The following BAHCC1 variants were observed in gnomAD, a reference collection of about 807,000 sequenced individuals.
BAHCC1 encodes the protein BAH domain and coiled-coil containing 1, also known as BAH and coiled-coil domain-containing protein 1.
In BAHCC1, 43 loss-of-function variants were observed where a neutral mutation model predicts 88.2. The ratio of observed to expected loss-of-function variants is 0.49; its 90% CI spans 0.38 to 0.63. The LOEUF is 0.63. Among genes scored for constraint, BAHCC1 ranks in the 20% least tolerant of loss-of-function variants. BAHCC1 has a pLI of 0.00. For missense variants in BAHCC1, 3,023 were observed against 1,654.8 expected (o/e 1.83, Z -14.34); for synonymous variants, 1,510 against 745.5 (o/e 2.03, Z -16.71).
rs782730197 is a variant in BAHCC1 at position 81,459,503 on chromosome 17, A to C, written c.5804A>C (p.Asp1935Ala). 5 of 779,044 alleles carry C rather than the reference A, an allele frequency of 6.4e-6. No homozygotes were observed. In the African/African-American group the frequency reaches 8.5e-5, roughly 13 times the overall value. The allele number at this position is 779,044 out of a possible 1,614,324, so 48.3% of individuals were successfully genotyped here. A position where few individuals can be genotyped will look rare whatever the true frequency, so the allele number is the denominator to read the frequency against. The change falls in exon 23 of 28, where the codon GAT (aspartate) becomes GCT (alanine). Residue 1935 changes from aspartate to alanine, a missense_variant. Asp to Ala is a moderately radical substitution (Grantham distance 126, BLOSUM62 -2). Transcript: ENST00000675386. ...TCGCCCGCGTTCCTGCAGGTTCTCG[A>C]TGTGCGGCCACAGTCCAGCCGGTAC... Reference protein sequence around the residue: ...LEQLLQEAVLDVRPQSSRYLP... With the variant: ...LEQLLQEAVLAVRPQSSRYLP...
At chr17:81,425,844 ATGATGTGGTTGGTGGTGGTGGTGGG>A (rs2064185384) in intron 2 of BAHCC1, among the ~76,000 whole-genome samples, 2 of 87,546 alleles carry the variant, frequency 2.3e-5, no homozygotes, top group African/African-American at 4.7e-5. Context: ...TGATTTGGTG[ATGATGTGGTTGGTGGTGGTGGTGGG>A]TGATGTGGTT....
At chr17:81,412,792 C>T (rs1396355737) in intron 2 of BAHCC1, among the ~76,000 whole-genome samples, 3 of 152,256 alleles carry the variant, frequency 2.0e-5, no homozygotes, top group African/African-American at 7.2e-5. Flanking sequence ...TTGATTATTT[C>T]ACAGCTTCTG....
At chr17:81,444,852 G>A in intron 8 of BAHCC1, 26 bp downstream of exon 8, 1 of 761,392 alleles carries the variant, frequency 1.3e-6, no homozygotes, top group Non-Finnish European at 2.4e-6. Flanking sequence ...CCAGGCTGCT[G>A]TACTTGGGGG....
chr17:81,400,244 G>A (rs2063797495), intron 2 of BAHCC1, among the ~76,000 whole-genome samples: 1 of 152,188 alleles, frequency 6.6e-6, no homozygotes, highest in Admixed American at 6.5e-5. Flanking sequence ...CCTCTTTTCT[G>A]CATTCTGCAT....
chr17:81,405,646 G>T (rs969361775), intron 2 of BAHCC1, among the ~76,000 whole-genome samples: 6 of 152,210 alleles, frequency 3.9e-5, no homozygotes, highest in African/African-American at 1.4e-4. Flanking sequence ...AGTTCAGCCA[G>T]TGCCGCTGGG....
intron 2 of BAHCC1, chr17:81,410,996 G>A (rs2063942978): frequency 1.4e-5 from 7 of 490,928 alleles, no homozygotes; most frequent in South Asian, 2.9e-5. Flanking sequence ...CTTCGGAGCC[G>A]CACCTGGGTC....
intron 1 of BAHCC1, chr17:81,396,288 T>C (rs2055605234): frequency 6.6e-6 from 1 of 152,058 alleles, no homozygotes; most frequent in South Asian, 2.1e-4. Flanking sequence ...TCAGAATTTT[T>C]TTTTTCCGGA....
At chr17:81,409,804 G>C (rs78621784) in intron 2 of BAHCC1, among the ~76,000 whole-genome samples, 1 of 152,232 alleles carries the variant, frequency 6.6e-6, no homozygotes, top group African/African-American at 2.4e-5. Flanking sequence ...AGGCTGGGCT[G>C]TGCCAGCGAG....
rs888830326 is a variant in BAHCC1 at position 81,449,039 on chromosome 17, G to A, written c.3976+1191G>A. ...ATGAGGAGGCGTCAGTAGATAGCAG[G>A]TCCCGTGTGTATGGCCAGAGTGGCC... is the stretch of plus-strand genomic sequence containing the variant. On this transcript the variant is annotated intron_variant, in intron 11 of 27. Transcript: ENST00000675386. Among the ~76,000 whole-genome samples the A allele has an allele frequency of 2.9e-4, 44 of 152,328 alleles. 1 individual carries two copies. In the East Asian group the frequency reaches 2.9e-3, roughly 10 times the overall value.
chr17:81,410,123 G>A (rs575158569), intron 2 of BAHCC1: 17 of 305,934 alleles, frequency 5.6e-5, no homozygotes, highest in East Asian at 1.3e-4. Flanking sequence ...TTGTGGCCCC[G>A]GTGCCCTCCC....
chr17:81,462,226 C>T (rs1311791818), intron 26 of BAHCC1, among the ~76,000 whole-genome samples, 180 bp downstream of exon 26: 3 of 152,256 alleles, frequency 2.0e-5, no homozygotes, highest in Non-Finnish European at 2.9e-5. Flanking sequence ...CAGCCGCTTC[C>T]GCTGGCCCCT....
intron 2 of BAHCC1, among the ~76,000 whole-genome samples, chr17:81,416,416 G>A (rs1208159560): frequency 3.3e-5 from 4 of 121,568 alleles, no homozygotes; most frequent in Admixed American, 2.8e-4. Flanking sequence ...GTGTATGTGT[G>A]TCCATGAGGG....
At chr17:81,454,709 C>T (rs1329077686) in intron 14 of BAHCC1, among the ~76,000 whole-genome samples, 1 of 152,230 alleles carries the variant, frequency 6.6e-6, no homozygotes, top group Non-Finnish European at 1.5e-5. Flanking sequence ...CGCCAAGGGC[C>T]GGGCCCGGCC....
At chr17:81,462,262 A>G (rs1268036736) in intron 26 of BAHCC1, among the ~76,000 whole-genome samples, 2 of 152,242 alleles carry the variant, frequency 1.3e-5, no homozygotes, top group Non-Finnish European at 2.9e-5. Context: ...CCTGCGTGAC[A>G]GTAGAAATGG....
rs869297780 is a variant in BAHCC1, at chr17:81,446,526, CTTTTTTTTTTTTTTTTTTTTT to C, written c.3164-492_3164-472del. 1.7e-3 allele frequency among the ~76,000 whole-genome samples: 83 copies of C among 49,220 alleles called. 1 individual carries two copies. The highest frequency in any genetic ancestry group is 0.012 in the Admixed American group (41 of 3,464). The allele number at this position is 49,220 out of a possible 152,430, so 32.3% of individuals were successfully genotyped here. A position where few individuals can be genotyped will look rare whatever the true frequency, so the allele number is the denominator to read the frequency against. The stretch of plus-strand genomic sequence containing the variant: ...GGGCCTGGCCTCAGGCTGCTCACAC[CTTTTTTTTTTTTTTTTTTTTT>C]TTTTTTTTTTTTTTTTTGAGACAGG... On this transcript the variant is annotated intron_variant, in intron 10 of 27. Coordinates refer to ENST00000675386, the MANE Select transcript of BAHCC1 (RefSeq NM_001377448.1).
rs1555653544 is a variant in BAHCC1 at position 81,443,928 on chromosome 17, G to C, written c.2324+11G>C. ...CGAGCTGCTGCTGCAGTGAGAGCTGGGCCTGTGGCCCTGGAGAGTGGGGCT... is the reference window on the plus strand; with the variant it reads ...CGAGCTGCTGCTGCAGTGAGAGCTGCGCCTGTGGCCCTGGAGAGTGGGGCT... On this transcript the variant is annotated intron_variant, in intron 6 of 27. Coordinates refer to ENST00000675386, the MANE Select transcript of BAHCC1 (RefSeq NM_001377448.1). The C allele has an allele frequency of 7.1e-6, 5 of 708,754 alleles. 1 individual carries two copies. The highest frequency in any genetic ancestry group is 6.0e-5 in the Admixed American group (3 of 50,014). 43.9% of individuals were successfully genotyped at this position (708,754 alleles called of 1,614,324 possible). A position where few individuals can be genotyped will look rare whatever the true frequency, so the allele number is the denominator to read the frequency against.
chr17:81,414,322 C>T (rs971108374), intron 2 of BAHCC1, among the ~76,000 whole-genome samples: 12 of 152,360 alleles, frequency 7.9e-5, no homozygotes, highest in Non-Finnish European at 1.3e-4. Context: ...CTCAGGAGGG[C>T]GCTGGTTCTC....
chr17:81,430,988 C>T (rs2064254023), intron 3 of BAHCC1, among the ~76,000 whole-genome samples: 1 of 109,142 alleles, frequency 9.2e-6, no homozygotes, highest in Non-Finnish European at 1.8e-5. Flanking sequence ...GGGGTCCCGG[C>T]GTGGGGGTGG....
At position 81,442,618 on chromosome 17, in the gene BAHCC1, G is replaced by A. The variant is rs375936294; in HGVS notation, c.1269G>A (p.Arg423=). 19 of 776,372 alleles carry A rather than the reference G, an allele frequency of 2.4e-5. No individual in the cohort carries two copies. In the African/African-American group the frequency reaches 2.7e-4, roughly 11 times the overall value. The allele number at this position is 776,372 out of a possible 1,614,324, so 48.1% of individuals were successfully genotyped here. A position where few individuals can be genotyped will look rare whatever the true frequency, so the allele number is the denominator to read the frequency against. ...ACAVAGEGKD[R]HLEGTMAPDH... is the part of the protein sequence containing the mutation. ...CCGTGGCAGGGGAGGGCAAGGACCG[G>A]CACCTGGAGGGAACCATGGCCCCCG... The change falls in exon 5 of 28, where the codon CGG becomes CGA. Residue 423 remains arginine, a synonymous_variant. Transcript: ENST00000675386.
Sources: allele counts gnomAD v4.1 joint callset (sites outside exome capture counted in the v4.1 genomes callset), GRCh38; gene constraint gnomAD v4.1.1; transcripts MANE v1.5; gene names NCBI Gene and HGNC (gene_info 2026-07-23, HGNC 2026-07-21).